Variants in PSIP1 observed in about 807,000 individuals in gnomAD.
PSIP1 encodes PC4 and SFRS1-interacting protein.
Under a neutral mutation model 74.7 loss-of-function variants are expected in PSIP1, and 19 were observed. The observed-to-expected ratio is 0.25, with a 90% CI of 0.18 to 0.37. The LOEUF (loss-of-function observed/expected upper bound fraction) is 0.37, where lower values mean the gene tolerates loss of function less well. PSIP1 is among the 10% of genes least tolerant of loss of function. The pLI, the probability that PSIP1 is intolerant of heterozygous loss-of-function variation, is 1.00. For synonymous variants in PSIP1, 222 were observed against 195.3 expected (o/e 1.14, Z -1.14); for missense variants, 601 against 614.3 (o/e 0.98, Z 0.23).
Position 15,465,428 on chromosome 9 carries a change from T to G in PSIP1, c.*92A>C, listed in dbSNP as rs2035550772. ...AAACAAGTTTTCAACATCAAACCTA[T>G]GCTTATAAAAATTTAAAACTTTCAG... On this transcript the variant is annotated 3_prime_UTR_variant, in exon 16 of 16. Coordinates refer to ENST00000380733, the MANE Select transcript of PSIP1 (RefSeq NM_033222.5). 1.7e-6 allele frequency: 2 copies of G among 1,155,878 alleles called. No individual in the cohort carries two copies. Among genetic ancestry groups the G allele is most frequent in the Admixed American group, 2.4e-5 (1 of 41,314 alleles). 71.6% of individuals were successfully genotyped at this position (1,155,878 alleles called of 1,614,324 possible).
chr9:15,503,519 CA>C (rs1440201374), intron 3 of PSIP1, among the ~76,000 whole-genome samples: 2 of 151,708 alleles, frequency 1.3e-5, no homozygotes, highest in East Asian at 3.9e-4. Context: ...ATAAAAAATA[CA>C]AAAATTAGCA....
rs150740482 is a variant in PSIP1, at chr9:15,497,488, G to A, written c.150-7364C>T. On this transcript the variant is annotated intron_variant, in intron 3 of 15. Coordinates refer to ENST00000380733, the MANE Select transcript of PSIP1 (RefSeq NM_033222.5). ...ATTACAGGCATGTGCAACCACGCCT[G>A]GCTACTTTTTATATTTTTAGTAGAG... Among the ~76,000 whole-genome samples, 1,389 of 151,990 alleles carry A rather than the reference G, an allele frequency of 9.1e-3. 22 individuals carry two copies. Among genetic ancestry groups the A allele is most frequent in the African/African-American group, 0.032 (1,312 of 41,374 alleles).
chr9:15,495,872 A>T lies in PSIP1; in HGVS notation c.150-5748T>A, dbSNP rs1052355952. On this transcript the variant is annotated intron_variant, in intron 3 of 15. Transcript: ENST00000380733. ...ACAATTAGTGTCTCTCCAACTGCAA[A>T]CCATCTATATTCACAAGGTAAGCTA... Among the ~76,000 whole-genome samples the T allele has an allele frequency of 4.6e-5, 7 of 152,186 alleles. No individual in the cohort carries two copies. The East Asian group carries it at 1.2e-3, about 25-fold the overall frequency.
Position 15,468,848 on chromosome 9 carries a change from G to A in PSIP1, c.1207-5C>T. On this transcript the variant is annotated splice_region_variant and splice_polypyrimidine_tract_variant and intron_variant, in intron 13 of 15. Transcript: ENST00000380733. ...ACTAACTTTGAATCGCCGTATCTGAGAAAACAATATACATTCATCATAATT... is the reference window on the plus strand; with the variant it reads ...ACTAACTTTGAATCGCCGTATCTGAAAAAACAATATACATTCATCATAATT... 1 of 1,611,832 alleles carries A rather than the reference G, an allele frequency of 6.2e-7. No homozygotes were observed. Among genetic ancestry groups the A allele is most frequent in the Non-Finnish European group, 8.5e-7 (1 of 1,178,232 alleles).
rs1272487667 is a variant in PSIP1, at chr9:15,489,976, T to C, written c.288+10A>G. On this transcript the variant is annotated intron_variant, in intron 4 of 15. Coordinates refer to ENST00000380733, the MANE Select transcript of PSIP1 (RefSeq NM_033222.5). The stretch of plus-strand genomic sequence containing the variant: ...ATAAGTAATATCAAATTTTATGTAA[T>C]ATGACTTACCTGTTGACTTGAAAAT... 3.9e-6 allele frequency: 6 copies of C among 1,545,020 alleles called. No individual in the cohort carries two copies. In the African/African-American group the frequency reaches 4.2e-5, roughly 11 times the overall value.
At chr9:15,469,205 GAA>G (rs1375659169) in intron 12 of PSIP1, 59 bp downstream of exon 12, 2 of 1,333,022 alleles carry the variant, frequency 1.5e-6, no homozygotes, top group Non-Finnish European at 2.1e-6. Flanking sequence ...GATCATGTGA[GAA>G]AATAAAAGAT....
chr9:15,510,466 T>G, intron 1 of PSIP1, 137 bp from the exon 2 acceptor site: 2 of 375,374 alleles, frequency 5.3e-6, no homozygotes, highest in Non-Finnish European at 4.8e-6. Context: ...GCCAGTGCGC[T>G]GCCTCCGCGC....
intron 4 of PSIP1, 143 bp from the exon 5 acceptor site, chr9:15,487,074 T>G (rs1297008464): frequency 2.0e-6 from 1 of 489,932 alleles, no homozygotes. Flanking sequence ...TATGGTTCAC[T>G]GAAGCCTCAA....
At chr9:15,476,381 A>T (rs1399829013) in intron 8 of PSIP1, among the ~76,000 whole-genome samples, 1 of 152,200 alleles carries the variant, frequency 6.6e-6, no homozygotes. Flanking sequence ...AGAAATAAGA[A>T]AATATATTCA....
At chr9:15,470,988 T>C in intron 10 of PSIP1, 3 of 1,353,104 alleles carry the variant, frequency 2.2e-6, no homozygotes, top group South Asian at 1.9e-5. Context: ...TAGTATGTAG[T>C]GTGTACCTTA....
chr9:15,501,180 A>C (rs1339712665), intron 3 of PSIP1, among the ~76,000 whole-genome samples: 1 of 152,146 alleles, frequency 6.6e-6, no homozygotes, highest in Non-Finnish European at 1.5e-5. Context: ...CAGTATTCAA[A>C]AACAAACTTC....
chr9:15,500,738 G>T, intron 3 of PSIP1, among the ~76,000 whole-genome samples: 1 of 152,226 alleles, frequency 6.6e-6, no homozygotes, highest in South Asian at 2.1e-4. Context: ...TCCTAAAACT[G>T]AGCACCCAAC....
chr9:15,503,318 G>T (rs983790066), intron 3 of PSIP1, among the ~76,000 whole-genome samples: 1 of 151,912 alleles, frequency 6.6e-6, no homozygotes, highest in African/African-American at 2.4e-5. Context: ...AATGAGCCGA[G>T]ATGGTGCCAC....
intron 2 of PSIP1, among the ~76,000 whole-genome samples, chr9:15,509,068 C>T (rs2037730805): frequency 6.6e-6 from 1 of 152,200 alleles, no homozygotes; most frequent in Admixed American, 6.5e-5. Flanking sequence ...ATGGCACTCT[C>T]AGCTCCTAGA....
intron 14 of PSIP1, among the ~76,000 whole-genome samples, chr9:15,467,445 T>A (rs12684388): frequency 0.017 from 2,527 of 152,302 alleles, 64 homozygotes; most frequent in South Asian, 0.099. Context: ...CAGCTGCCAC[T>A]AAGATGTTTA....
chr9:15,488,354 T>A (rs978422290), intron 4 of PSIP1, among the ~76,000 whole-genome samples: 2 of 151,698 alleles, frequency 1.3e-5, no homozygotes, highest in African/African-American at 2.4e-5. Flanking sequence ...AAAAAAAGAG[T>A]AAAAAGCTGC....
Position 15,479,798 on chromosome 9 carries a change from T to C in PSIP1, c.457-111A>G, listed in dbSNP as rs138334915. On this transcript the variant is annotated intron_variant, in intron 6 of 15. Coordinates refer to ENST00000380733, the MANE Select transcript of PSIP1 (RefSeq NM_033222.5). ...GTAACGTTGAGTTCAAGTATAGATA[T>C]AACCTCTATATGATCTTTTGTTTTT... The C allele has an allele frequency of 3.7e-4, 251 of 672,820 alleles. No homozygotes were observed. In the African/African-American group the frequency reaches 3.9e-3, roughly 10 times the overall value. The allele number at this position is 672,820 out of a possible 1,614,324, so 41.7% of individuals were successfully genotyped here.
intron 6 of PSIP1, 84 bp downstream of exon 6, chr9:15,485,922 G>C: frequency 1.6e-6 from 2 of 1,220,936 alleles, no homozygotes; most frequent in South Asian, 2.7e-5. Context: ...GAAATTTAAG[G>C]TTTCATTGTA....
In PSIP1 at chr9:15,466,848, G is replaced by C. The variant is rs35678110; in HGVS notation, c.1432C>G (p.Leu478Val). ...TCTTGAGCATCAGATCCTCCATTTA[G>C]AGTCTTTGACCCTTGCGAAGGAATC... Reference protein sequence around the residue: ...LEKEQTGSKTLNGGSDAQDGN... With the variant: ...LEKEQTGSKTVNGGSDAQDGN... Residue 478 changes from leucine to valine, a missense_variant, in exon 15 of 16, where the codon CTA becomes GTA. Coordinates refer to ENST00000380733, the MANE Select transcript of PSIP1 (RefSeq NM_033222.5). The C allele has an allele frequency of 5.4e-4, 870 of 1,612,400 alleles. 2 individuals are homozygous for C. The African/African-American group carries it at 8.4e-3, about 15-fold the overall frequency.
Sources: allele counts gnomAD v4.1 joint callset (sites outside exome capture counted in the v4.1 genomes callset), GRCh38; gene constraint gnomAD v4.1.1; transcripts MANE v1.5; gene names NCBI Gene and HGNC (gene_info 2026-07-23, HGNC 2026-07-21).